Variants in FAT1 observed in about 807,000 individuals in gnomAD.
FAT1 encodes FAT atypical cadherin 1.
FAT1 carries 171 observed loss-of-function variants against 329.8 expected under a neutral mutation model. The ratio of observed to expected loss-of-function variants is 0.52; its 90% confidence interval spans 0.46 to 0.59. FAT1 has a LOEUF of 0.59. Ranked by LOEUF, FAT1 falls within the 20% of genes least tolerant of loss-of-function variation. The pLI is 0.00. For synonymous variants in FAT1, 2,233 were observed against 2,228.6 expected (o/e 1.00, Z -0.06); for missense variants, 5,672 against 5,774.4 (o/e 0.98, Z 0.57).
chr4:186,603,619 T>C lies in FAT1; in HGVS notation c.10907A>G (p.Gln3636Arg), dbSNP rs564377859. Residue 3636 changes from glutamine to arginine, a missense_variant, in exon 19 of 27, where the codon CAG becomes CGG. Gln to Arg is a conservative substitution (Grantham distance 43). This residue lies in a region of FAT1 where 1,706 missense variants were observed against 1,859.1 expected (regional missense o/e 0.92). Transcript: ENST00000441802. ...DITVHIRQVT[Q>R]EMLNHTIAIR... ...CGCGATGGTGTGGTTCAACATCTCC[T>C]GTGTGACTTGTCTGATATGCACTGT... The C allele has an allele frequency of 6.2e-6, 10 of 1,614,026 alleles. No individual in the cohort carries two copies. The highest frequency in any genetic ancestry group is 2.2e-5 in the East Asian group (1 of 44,878).
In FAT1 at chr4:186,603,797, T is replaced by A. The variant is rs772909331; in HGVS notation, c.10729A>T (p.Thr3577Ser). ...TGAGGGTCGAGACTGTAGGTTAGAG[T>A]ATCATACACGTCCTGGTCTGTGGCA... Reference protein sequence around the residue: ...IHATDQDVYDTLTYSLDPQMD... With the variant: ...IHATDQDVYDSLTYSLDPQMD... Residue 3577 changes from threonine to serine, a missense_variant, in exon 19 of 27, where the codon ACT becomes TCT. This residue lies in a region of FAT1 where 1,706 missense variants were observed against 1,859.1 expected (regional missense o/e 0.92). Transcript: ENST00000441802. 6.2e-7 allele frequency: 1 copy of A among 1,613,716 alleles called. No homozygotes were observed. Among genetic ancestry groups the A allele is most frequent in the Admixed American group, 1.7e-5 (1 of 59,982 alleles).
chr4:186,667,435 G>A (rs1209555941), intron 2 of FAT1, among the ~76,000 whole-genome samples: 1 of 152,228 alleles, frequency 6.6e-6, no homozygotes, highest in African/African-American at 2.4e-5. Context: ...AAGTATGAAT[G>A]AGTGAGATGC....
chr4:186,703,427 T>C (rs958449024), intron 2 of FAT1, among the ~76,000 whole-genome samples: 26 of 152,208 alleles, frequency 1.7e-4, no homozygotes, highest in Admixed American at 2.6e-4. Flanking sequence ...GCTTGCTGGA[T>C]AGGTTCTCTG....
At chr4:186,710,173 C>T (rs1326668032) in intron 1 of FAT1, among the ~76,000 whole-genome samples, 2 of 152,092 alleles carry the variant, frequency 1.3e-5, no homozygotes, top group African/African-American at 2.4e-5. Flanking sequence ...ATATTTAAAT[C>T]GTTAAGGCAA....
At chr4:186,637,429 C>T (rs1227499430) in intron 4 of FAT1, among the ~76,000 whole-genome samples, 1 of 152,104 alleles carries the variant, frequency 6.6e-6, no homozygotes, top group Non-Finnish European at 1.5e-5. Flanking sequence ...ATAAATAGTA[C>T]ACCTTTTAAT....
intron 3 of FAT1, among the ~76,000 whole-genome samples, chr4:186,642,818 C>T (rs1034985605): frequency 3.3e-5 from 5 of 152,156 alleles, no homozygotes; most frequent in African/African-American, 7.2e-5. Flanking sequence ...CCTATAAAAA[C>T]GGTAGAGAAA....
Position 186,611,646 on chromosome 4 carries a change from G to A in FAT1, c.9593C>T (p.Ser3198Phe). 6.2e-7 allele frequency: 1 copy of A among 1,613,296 alleles called. No homozygotes were observed. Among genetic ancestry groups the A allele is most frequent in the South Asian group, 1.1e-5 (1 of 90,898 alleles). Residue 3198 changes from serine to phenylalanine, a missense_variant, in exon 14 of 27, where the codon TCT (serine) becomes TTT (phenylalanine). Transcript: ENST00000441802. The stretch of plus-strand genomic sequence containing the variant: ...CAAGCCTTGATCCACAGCTTTCAAA[G>A]AGAGGGTGTATACTGCCTGGAGTTC... Reference protein sequence around the residue: ...DRELQAVYTLSLKAVDQGLPR... With the variant: ...DRELQAVYTLFLKAVDQGLPR...
At chr4:186,607,135 A>G (rs2126451527) in intron 16 of FAT1, among the ~76,000 whole-genome samples, 1 of 152,354 alleles carries the variant, frequency 6.6e-6, no homozygotes, top group Non-Finnish European at 1.5e-5. Flanking sequence ...GAATTTAATG[A>G]GGTATCTCAT....
At chr4:186,704,462 TGAAAGAAAAAACCCA>T in intron 2 of FAT1, among the ~76,000 whole-genome samples, 1 of 152,132 alleles carries the variant, frequency 6.6e-6, no homozygotes, top group African/African-American at 2.4e-5. Context: ...CTTCTTCACT[TGAAAGAAAAAACCCA>T]AAAGGCAGTG....
intron 2 of FAT1, among the ~76,000 whole-genome samples, chr4:186,698,846 A>AT (rs149412884): frequency 0.024 from 3,615 of 152,362 alleles, 145 homozygotes; most frequent in African/African-American, 0.081. Context: ...CAGCTCAAGA[A>AT]TCACGTCTGT....
chr4:186,588,454 A>G lies in FAT1; in HGVS notation c.*138T>C, dbSNP rs1392343458. The G allele has an allele frequency of 2.0e-6, 2 of 1,019,218 alleles. No individual in the cohort carries two copies. Among genetic ancestry groups the G allele is most frequent in the Middle Eastern group, 6.4e-4 (2 of 3,120 alleles). The allele number at this position is 1,019,218 out of a possible 1,614,324, so 63.1% of individuals were successfully genotyped here. ...GACACTGGAAATGGCTAGCACGTCC[A>G]GAGGCGCAGGATCCAGCGCAGCCAT... On this transcript the variant is annotated 3_prime_UTR_variant, in exon 27 of 27. Transcript: ENST00000441802.
In FAT1 at chr4:186,675,824, C is replaced by A. The variant is rs1055188486; in HGVS notation, c.3266-12211G>T. Among the ~76,000 whole-genome samples, 12 of 134,106 alleles carry A rather than the reference C, an allele frequency of 8.9e-5. No individual in the cohort carries two copies. The South Asian group carries it at 9.7e-4, about 11-fold the overall frequency. 88.0% of individuals were successfully genotyped at this position (134,106 alleles called of 152,430 possible). A position where few individuals can be genotyped will look rare whatever the true frequency, so the allele number is the denominator to read the frequency against. Reference sequence around the variant, plus strand: ...ACACACACACACACACACACACACACAATTAATTTTTAAAAGCTGTACCTT... The same window carrying A: ...ACACACACACACACACACACACACAAAATTAATTTTTAAAAGCTGTACCTT... On this transcript the variant is annotated intron_variant, in intron 2 of 26. Coordinates refer to ENST00000441802, the MANE Select transcript of FAT1 (RefSeq NM_005245.4).
intron 8 of FAT1, 33 bp from the exon 9 acceptor site, chr4:186,628,397 G>A (rs2126543618): frequency 6.2e-7 from 1 of 1,609,594 alleles, no homozygotes; most frequent in Non-Finnish European, 8.5e-7. Context: ...CAATCCCATT[G>A]GTGCTTTCCT....
At position 186,619,479 on chromosome 4, in the gene FAT1, C is replaced by T. The variant is rs755502385; in HGVS notation, c.7107G>A (p.Thr2369=). The change falls in exon 10 of 27, where the codon ACG becomes ACA. Residue 2369 remains threonine (T), a synonymous_variant. Coordinates refer to ENST00000441802, the MANE Select transcript of FAT1 (RefSeq NM_005245.4). Reference sequence around the variant, plus strand: ...CCGTGACAATCACATCACTGCTCAGCGTGGGCATACCACCATCAACTGCCC... The same window carrying T: ...CCGTGACAATCACATCACTGCTCAGTGTGGGCATACCACCATCAACTGCCC... ...FVRAVDGGMP[T]LSSDVIVTVD... is the part of the protein sequence containing the mutation. 19 of 1,613,944 alleles carry T rather than the reference C, an allele frequency of 1.2e-5. No individual in the cohort carries two copies. Among genetic ancestry groups the T allele is most frequent in the East Asian group, 6.7e-5 (3 of 44,878 alleles).
At chr4:186,622,388 A>G (rs1370092402) in intron 9 of FAT1, among the ~76,000 whole-genome samples, 3 of 152,140 alleles carry the variant, frequency 2.0e-5, no homozygotes, top group Non-Finnish European at 4.4e-5. Context: ...TCTGCTCCCT[A>G]GGAGACATCT....
rs1259904665 is a variant in FAT1, at chr4:186,628,493, C to T, written c.4594G>A (p.Val1532Ile). 1 of 1,613,950 alleles carries T rather than the reference C, an allele frequency of 6.2e-7. No individual in the cohort carries two copies. Among genetic ancestry groups the T allele is most frequent in the Non-Finnish European group, 8.5e-7 (1 of 1,179,876 alleles). ...AGAGCGGGTAGAGCGCCTACCATGA[C>T]CGTGAGGGTGTGCTGGTGAACAGCT... ...HEAVHQHTLT[V>I]MVRDQDVPVK... Residue 1532 changes from valine to isoleucine, a missense_variant, in exon 8 of 27, where the codon GTC (valine) becomes ATC (isoleucine). By Grantham distance (29) the Val-to-Ile change is conservative. This residue lies in a region of FAT1 where 3,966 missense variants were observed against 3,915.2 expected (regional missense o/e 1.01). Transcript: ENST00000441802.
Position 186,707,439 on chromosome 4 carries a change from G to C in FAT1, c.2389C>G (p.Leu797Val), listed in dbSNP as rs2126688535. 6.2e-7 allele frequency: 1 copy of C among 1,614,014 alleles called. No homozygotes were observed. The highest frequency in any genetic ancestry group is 8.5e-7 in the Non-Finnish European group (1 of 1,179,910). Residue 797 changes from leucine (L) to valine (V), a missense_variant, in exon 2 of 27, where the codon CTT (leucine) becomes GTT (valine). By Grantham distance (32) the Leu-to-Val change is conservative (BLOSUM62 1). Coordinates refer to ENST00000441802, the MANE Select transcript of FAT1 (RefSeq NM_005245.4). ...CACGCAGCCTTCTGGGGTATCCCAA[G>C]GTCATAGACGGTAATATTCAGGGTG... ...KYTLNITVYD[L>V]GIPQKAAWRL... is the part of the protein sequence containing the mutation.
Position 186,707,885 on chromosome 4 carries a change from G to A in FAT1, c.1943C>T (p.Thr648Ile), listed in dbSNP as rs2126692085. ...TGGTGTGGCAAAATTTTCTCCATCT[G>A]TAGCTGTGATTCTCAGACTGTGGAA... ...VSFHSLRITA[T>I]DGENFATPLY... The change falls in exon 2 of 27, where the codon ACA becomes ATA. Residue 648 changes from threonine to isoleucine, a missense_variant. By Grantham distance (89) the Thr-to-Ile change is moderately conservative (BLOSUM62 -1). Around this residue, in one of 2 missense-constraint regions of FAT1, gnomAD observed 3,966 missense variants for 3,915.2 expected, o/e 1.01. Coordinates refer to ENST00000441802, the MANE Select transcript of FAT1 (RefSeq NM_005245.4). 3 of 1,613,924 alleles carry A rather than the reference G, an allele frequency of 1.9e-6. No individual in the cohort carries two copies. The highest frequency in any genetic ancestry group is 1.7e-5 in the Admixed American group (1 of 60,024).
intron 3 of FAT1, among the ~76,000 whole-genome samples, chr4:186,647,461 CAT>C (rs765403681): frequency 1.8e-4 from 27 of 152,300 alleles, no homozygotes; most frequent in African/African-American, 5.5e-4. Context: ...TCTTAATTCA[CAT>C]AGACAACTCT....
Sources: gnomAD v4.1 joint callset for allele counts (sites outside exome capture counted in the v4.1 genomes callset) on GRCh38, gnomAD v4.1.1 for gene constraint, gnomAD v4.1.1 regional missense constraint, MANE v1.5 for transcripts, NCBI Gene and HGNC (gene_info 2026-07-23, HGNC 2026-07-21) for gene names.